The following DLGAP1 variants were observed in gnomAD, a reference collection of about 807,000 sequenced individuals.
The protein encoded by DLGAP1 is DLG associated protein 1, also known as disks large-associated protein 1.
In DLGAP1, 11 loss-of-function variants were observed where a neutral mutation model predicts 90.8. The observed-to-expected ratio is 0.12, with a 90% CI of 0.08 to 0.20. DLGAP1 has a LOEUF of 0.20. Ranked by LOEUF, DLGAP1 falls within the 10% of genes least tolerant of loss-of-function variation. The pLI, the probability that DLGAP1 is intolerant of heterozygous loss-of-function variation, is 1.00. For synonymous variants in DLGAP1, 558 were observed against 540.7 expected (o/e 1.03, Z -0.44); for missense variants, 1,050 against 1,333.8 (o/e 0.79, Z 3.31).
chr18:3,840,467 G>A (rs935008286), intron 4 of DLGAP1, among the ~76,000 whole-genome samples: 2 of 152,102 alleles, frequency 1.3e-5, no homozygotes, highest in African/African-American at 4.8e-5. Context: ...CCGCTTCCAC[G>A]GCCACATAGT....
chr18:4,115,864 A>G (rs1236672213), intron 2 of DLGAP1, among the ~76,000 whole-genome samples: 1 of 152,152 alleles, frequency 6.6e-6, no homozygotes, highest in Non-Finnish European at 1.5e-5. Context: ...TTATAAACTC[A>G]CTAATATAAT....
chr18:3,839,365 G>C (rs143963266), intron 4 of DLGAP1, among the ~76,000 whole-genome samples: 2 of 152,200 alleles, frequency 1.3e-5, no homozygotes, highest in Non-Finnish European at 2.9e-5. Flanking sequence ...GGAGGGGAGG[G>C]AGCAACAAGC....
chr18:3,772,396 CTTTCTTTCTTTCTCTT>C (rs2064708491), intron 5 of DLGAP1, among the ~76,000 whole-genome samples: 2 of 45,740 alleles, frequency 4.4e-5, no homozygotes, highest in African/African-American at 1.3e-4. Context: ...TTCTTTCTTT[CTTTCTTTCTTTCTCTT>C]TCTTTCTTTC....
intron 1 of DLGAP1, among the ~76,000 whole-genome samples, chr18:4,381,074 C>G (rs1464859977): frequency 2.0e-5 from 3 of 151,862 alleles, no homozygotes; most frequent in Non-Finnish European, 4.4e-5. Flanking sequence ...ATAGTATCAC[C>G]CAGGTGGTTA....
At chr18:3,592,876 AAGAAAGAAAAAG>A (rs2056345559) in intron 7 of DLGAP1, among the ~76,000 whole-genome samples, 12 of 51,576 alleles carry the variant, frequency 2.3e-4, no homozygotes, top group South Asian at 8.0e-4. Context: ...AAGAAAAAGA[AAGAAAGAAAAAG>A]AAAAAGAAAA....
chr18:3,536,828 G>C (rs2052407506), intron 9 of DLGAP1, among the ~76,000 whole-genome samples: 1 of 152,184 alleles, frequency 6.6e-6, no homozygotes, highest in Non-Finnish European at 1.5e-5. Flanking sequence ...CGATGAAGGG[G>C]AGAACATGGG....
At chr18:3,849,914 C>G (rs2069237648) in intron 4 of DLGAP1, among the ~76,000 whole-genome samples, 1 of 152,198 alleles carries the variant, frequency 6.6e-6, no homozygotes, top group South Asian at 2.1e-4. Context: ...TAGCAAAACA[C>G]TTGAAACCAA....
intron 5 of DLGAP1, among the ~76,000 whole-genome samples, chr18:3,784,669 G>A (rs1233264514): frequency 6.6e-6 from 1 of 152,134 alleles, no homozygotes; most frequent in Non-Finnish European, 1.5e-5. Flanking sequence ...CTCCTGACGA[G>A]GAAAAAAGGG....
chr18:3,906,087 T>G (rs1257671191), intron 3 of DLGAP1, among the ~76,000 whole-genome samples: 5 of 152,196 alleles, frequency 3.3e-5, no homozygotes, highest in African/African-American at 1.2e-4. Context: ...TTTCACCTAA[T>G]CCGTAGTTTA....
In DLGAP1 at chr18:3,781,673, G is replaced by A. The variant is rs78645971; in HGVS notation, c.1172+32386C>T. Among the ~76,000 whole-genome samples the A allele has an allele frequency of 2.2e-3, 334 of 152,228 alleles. 6 individuals are homozygous for A. The East Asian group carries it at 0.048, about 22-fold the overall frequency. On this transcript the variant is annotated intron_variant, in intron 5 of 12. Transcript: ENST00000315677. ...TCAATTTTGTACCTTGTGTGTATAT[G>A]TTTGTGTCCTTAGATAAGATTGTCT...
In DLGAP1 at chr18:4,103,366, G is replaced by A. The variant is rs374628634; in HGVS notation, c.-159+47814C>T. Among the ~76,000 whole-genome samples the A allele has an allele frequency of 7.5e-4, 114 of 151,976 alleles. 4 individuals are homozygous for A. In the South Asian group the frequency reaches 0.015, roughly 20 times the overall value. On this transcript the variant is annotated intron_variant, in intron 2 of 12. Transcript: ENST00000315677. Reference sequence around the variant, plus strand: ...AAAAGTTTAATAGTTGTCTTCAATAGGTTTTATATTTTTCTTTGTATATTT... The same window carrying A: ...AAAAGTTTAATAGTTGTCTTCAATAAGTTTTATATTTTTCTTTGTATATTT...
chr18:4,202,100 T>C (rs906784039), intron 1 of DLGAP1, among the ~76,000 whole-genome samples: 3 of 151,906 alleles, frequency 2.0e-5, no homozygotes, highest in Non-Finnish European at 2.9e-5. Context: ...TTAGTAGATA[T>C]AGAAACTGTG....
chr18:3,617,995 C>T (rs2057941070), intron 7 of DLGAP1, among the ~76,000 whole-genome samples: 2 of 152,274 alleles, frequency 1.3e-5, no homozygotes, highest in Non-Finnish European at 2.9e-5. Context: ...CAAGATCGTG[C>T]CATTGCCCTC....
At chr18:4,372,409 G>A (rs2081935197) in intron 1 of DLGAP1, among the ~76,000 whole-genome samples, 1 of 152,126 alleles carries the variant, frequency 6.6e-6, no homozygotes, top group Non-Finnish European at 1.5e-5. Context: ...ACGACATGAT[G>A]GTGAATACTC....
At chr18:4,350,906 G>T (rs2081390570) in intron 1 of DLGAP1, among the ~76,000 whole-genome samples, 1 of 151,986 alleles carries the variant, frequency 6.6e-6, no homozygotes, top group African/African-American at 2.4e-5. Context: ...ATGATCTCCA[G>T]GAGACTTTGG....
At chr18:4,335,808 T>C (rs1367926188) in intron 1 of DLGAP1, among the ~76,000 whole-genome samples, 1 of 152,224 alleles carries the variant, frequency 6.6e-6, no homozygotes. Flanking sequence ...TGTCACAGAA[T>C]TGAAAGACTG....
At chr18:3,514,813 C>G (rs2050735704) in intron 10 of DLGAP1, among the ~76,000 whole-genome samples, 1 of 152,184 alleles carries the variant, frequency 6.6e-6, no homozygotes, top group Non-Finnish European at 1.5e-5. Context: ...GAGGGAGGGT[C>G]TTGCCTCGAT....
At chr18:4,033,149 A>T (rs1347267295) in intron 2 of DLGAP1, among the ~76,000 whole-genome samples, 1 of 147,892 alleles carries the variant, frequency 6.8e-6, no homozygotes, top group Non-Finnish European at 1.5e-5. Flanking sequence ...TAGTTATTTC[A>T]TTTTTATTTT....
chr18:4,439,579 G>A (rs772179794), intron 1 of DLGAP1, among the ~76,000 whole-genome samples: 7 of 152,134 alleles, frequency 4.6e-5, no homozygotes, highest in Non-Finnish European at 8.8e-5. Context: ...GCAAAGGCAG[G>A]AGGATTGCTA....
Sources: allele counts gnomAD v4.1 joint callset (sites outside exome capture counted in the v4.1 genomes callset), GRCh38; gene constraint gnomAD v4.1.1; transcripts MANE v1.5; gene names NCBI Gene and HGNC (gene_info 2026-07-23, HGNC 2026-07-21).